The following RIIAD1 variants were observed in gnomAD, a reference collection of about 807,000 sequenced individuals.
The protein encoded by RIIAD1 is RIIa domain-containing protein 1.
In RIIAD1, 15 loss-of-function variants were observed where a neutral mutation model predicts 13.3. That is an observed-to-expected ratio of 1.13 (90% confidence interval 0.76 to 1.74). RIIAD1 has a LOEUF of 1.74. RIIAD1 is among the 40% of genes most tolerant of loss of function. The pLI is 0.00. For synonymous variants in RIIAD1, 50 were observed against 43.3 expected (o/e 1.16, Z -0.61); for missense variants, 121 against 112.2 (o/e 1.08, Z -0.35).
intron 3 of RIIAD1, chr1:151,728,401 A>G (rs1673869099): frequency 7.7e-6 from 2 of 259,056 alleles, no homozygotes; most frequent in East Asian, 1.9e-4. Flanking sequence ...TGGAGCAGAA[A>G]ACCCAGAGAA....
At chr1:151,712,273 C>A (rs912423789) in intron 2 of RIIAD1, among the ~76,000 whole-genome samples, 2 of 152,216 alleles carry the variant, frequency 1.3e-5, no homozygotes, top group East Asian at 3.8e-4. Context: ...CCCAGTATAG[C>A]CGAGCCCCTC....
Position 151,722,146 on chromosome 1 carries a change from A to G in RIIAD1, c.145A>G (p.Ile49Val), listed in dbSNP as rs1190662358. Reference protein sequence around the residue: ...LRTHKEVEWLISGFFREIFLK... With the variant: ...LRTHKEVEWLVSGFFREIFLK... Reference sequence around the variant, plus strand: ...GACCCACAAAGAAGTAGAGTGGCTCATAAGTGGTTTCTTCAGGTAGGTGGT... The same window carrying G: ...GACCCACAAAGAAGTAGAGTGGCTCGTAAGTGGTTTCTTCAGGTAGGTGGT... Residue 49 changes from isoleucine (I) to valine (V), a missense_variant, in exon 2 of 5, where the codon ATA becomes GTA. Ile to Val is a conservative substitution (Grantham distance 29). Transcript: ENST00000479191. 1.9e-6 allele frequency: 3 copies of G among 1,547,456 alleles called. No homozygotes were observed. The highest frequency in any genetic ancestry group is 1.4e-5 in the African/African-American group (1 of 72,966).
chr1:151,715,935 T>G, intron 4 of RIIAD1: 3 of 1,614,056 alleles, frequency 1.9e-6, no homozygotes, highest in Non-Finnish European at 2.5e-6. Flanking sequence ...CCGACCAAAC[T>G]GTTCGAAGAT....
intron 2 of RIIAD1, among the ~76,000 whole-genome samples, chr1:151,726,716 A>T (rs1283403171): frequency 1.3e-5 from 2 of 152,262 alleles, no homozygotes; most frequent in Non-Finnish European, 1.5e-5. Flanking sequence ...AACATACTTT[A>T]TGAACCATAA....
chr1:151,715,645 C>CA (rs1431202918), intron 4 of RIIAD1: 3 of 1,498,966 alleles, frequency 2.0e-6, no homozygotes, highest in Non-Finnish European at 2.7e-6. Flanking sequence ...CACATCTTTG[C>CA]AGCCGTCTTG....
upstream of RIIAD1, chr1:151,719,470 T>C (rs1467316717): frequency 2.5e-5 from 15 of 593,874 alleles, no homozygotes; most frequent in African/African-American, 2.3e-4. Context: ...ATCCTGGCTT[T>C]AGATTCTTAG....
Position 151,714,745 on chromosome 1 carries a change from C to G in RIIAD1, c.21+216C>G, listed in dbSNP as rs145483403. The G allele has an allele frequency of 3.3e-5, 38 of 1,142,956 alleles. No individual in the cohort carries two copies. In the African/African-American group the frequency reaches 4.3e-4, roughly 13 times the overall value. The allele number at this position is 1,142,956 out of a possible 1,614,324, so 70.8% of individuals were successfully genotyped here. A position where few individuals can be genotyped will look rare whatever the true frequency, so the allele number is the denominator to read the frequency against. On this transcript the variant is annotated intron_variant, in intron 4 of 8. Transcript: ENST00000326413. ...CTCCATCTCCCCTCTCTGAAAGGCT[C>G]CCTTCCAAAGACTGACGACTGGGAA... is the stretch of plus-strand genomic sequence containing the variant.
intron 2 of RIIAD1, among the ~76,000 whole-genome samples, chr1:151,723,651 G>A (rs1380957448): frequency 1.3e-5 from 2 of 152,234 alleles, no homozygotes; most frequent in Non-Finnish European, 2.9e-5. Flanking sequence ...AGTGAGCCGA[G>A]ATTGCGCCAC....
In RIIAD1 at chr1:151,715,826, C is replaced by G. The variant is rs374236239; in HGVS notation, c.21+1297C>G. On this transcript the variant is annotated intron_variant, in intron 4 of 8. Coordinates refer to the RIIAD1 transcript ENST00000326413. ...CCCCTCCAGCCTGGCTTAACTTCCC[C>G]CAGCCTCCCAGCCCACCCCGAAGCC... The G allele has an allele frequency of 1.6e-5, 26 of 1,596,144 alleles. No individual in the cohort carries two copies. The African/African-American group carries it at 2.4e-4, about 15-fold the overall frequency.
In RIIAD1 at chr1:151,714,701, A is replaced by T. The variant is rs1459420052; in HGVS notation, c.21+172A>T. ...CCTGAGGAGGGGCAGGGGCAGAGAA[A>T]CACGGCGGGGGGTGAGTCCTCCATC... On this transcript the variant is annotated intron_variant, in intron 4 of 8. Coordinates refer to the RIIAD1 transcript ENST00000326413. 2.6e-6 allele frequency: 4 copies of T among 1,510,764 alleles called. No individual in the cohort carries two copies. The Admixed American group carries it at 5.9e-5, about 22-fold the overall frequency. 93.6% of individuals were successfully genotyped at this position (1,510,764 alleles called of 1,614,324 possible).
intron 3 of RIIAD1, 107 bp downstream of exon 3, chr1:151,727,728 C>A (rs2101516673): frequency 1.3e-6 from 1 of 746,288 alleles, no homozygotes; most frequent in East Asian, 2.8e-5. Context: ...GTCTGGGGTA[C>A]TCCTTCACCT....
At position 151,721,528 on chromosome 1, in the gene RIIAD1, C is replaced by T. The variant is rs1205120249; in HGVS notation, c.-9C>T. ...GCTCGCGGCCGGTCGCCTTGACGAC[C>T]GCAGCAAGATGGAGACGCTGCCAGG... is the stretch of plus-strand genomic sequence containing the variant. On this transcript the variant is annotated 5_prime_UTR_variant, in exon 1 of 5. Coordinates refer to ENST00000479191, the MANE Select transcript of RIIAD1 (RefSeq NM_001144956.3). 1.1e-5 allele frequency: 15 copies of T among 1,312,552 alleles called. No homozygotes were observed. Among genetic ancestry groups the T allele is most frequent in the Admixed American group, 3.9e-5 (1 of 25,586 alleles). 81.3% of individuals were successfully genotyped at this position (1,312,552 alleles called of 1,614,324 possible). A position where few individuals can be genotyped will look rare whatever the true frequency, so the allele number is the denominator to read the frequency against.
upstream of RIIAD1, among the ~76,000 whole-genome samples, chr1:151,721,193 A>C (rs946565145): frequency 6.6e-6 from 1 of 152,206 alleles, no homozygotes; most frequent in Non-Finnish European, 1.5e-5. Flanking sequence ...CTCTTTCCCC[A>C]GTACTAGGCT....
upstream of RIIAD1, among the ~76,000 whole-genome samples, chr1:151,717,545 C>A (rs777626890): frequency 6.6e-6 from 1 of 152,326 alleles, no homozygotes; most frequent in South Asian, 2.1e-4. Flanking sequence ...ACCAGGACAC[C>A]GTTTAATTCA....
rs1244652251 is a variant in RIIAD1, at chr1:151,728,780, C to T, written c.223C>T (p.Pro75Ser). The T allele has an allele frequency of 1.9e-6, 3 of 1,540,062 alleles. No individual in the cohort carries two copies. Among genetic ancestry groups the T allele is most frequent in the Middle Eastern group, 1.7e-4 (1 of 5,980 alleles). The change falls in exon 4 of 5, where the codon CCA becomes TCA. Residue 75 changes from proline to serine, a missense_variant. Coordinates refer to ENST00000479191, the MANE Select transcript of RIIAD1 (RefSeq NM_001144956.3). ...TTTTATCCCAGACTACTTCACGGAT[C>T]CAAGACTTCCCAACAAGATTCACAT... ...LEFAADYFTD[P>S]RLPNKIHMQL...
chr1:151,715,763 C>T, intron 4 of RIIAD1: 2 of 1,597,204 alleles, frequency 1.3e-6, no homozygotes, highest in South Asian at 2.2e-5. Context: ...CAGGCCTGAA[C>T]TCTTCTCCTT....
At chr1:151,728,349 C>A (rs902134696) in intron 3 of RIIAD1, 11 of 195,086 alleles carry the variant, frequency 5.6e-5, no homozygotes, top group Non-Finnish European at 2.1e-5. Flanking sequence ...GGAGCTGAGA[C>A]AAGAATAATA....
upstream of RIIAD1, chr1:151,719,629 G>A (rs1571947213): frequency 1.0e-5 from 7 of 702,760 alleles, no homozygotes; most frequent in Admixed American, 2.0e-5. Context: ...TTATGAGAGT[G>A]CACAAAGAAT....
At chr1:151,723,876 A>G (rs887628261) in intron 2 of RIIAD1, among the ~76,000 whole-genome samples, 2 of 152,210 alleles carry the variant, frequency 1.3e-5, no homozygotes, top group Admixed American at 1.3e-4. Context: ...CTCTGTCAAT[A>G]TCAGACCTGA....
Sources: allele counts gnomAD v4.1 joint callset (sites outside exome capture counted in the v4.1 genomes callset), GRCh38; gene constraint gnomAD v4.1.1; transcripts MANE v1.5; gene names NCBI Gene and HGNC (gene_info 2026-07-23, HGNC 2026-07-21).